CAMK1D: variants seen among roughly 807,000 people sequenced by gnomAD.
CAMK1D encodes calcium/calmodulin dependent protein kinase ID, also known as calcium/calmodulin-dependent protein kinase type 1D.
Under a neutral mutation model 47.7 loss-of-function variants are expected in CAMK1D, and 9 were observed. That is an observed-to-expected ratio of 0.19 (90% confidence interval 0.11 to 0.33). The LOEUF (loss-of-function observed/expected upper bound fraction) is 0.33, where lower values mean the gene tolerates loss of function less well. CAMK1D is among the 10% of genes least tolerant of loss of function. The pLI is 1.00. For synonymous variants in CAMK1D, 184 were observed against 184.9 expected, an observed-to-expected ratio of 0.99 and a Z score of 0.04; for missense variants, 291 against 488.7, an observed-to-expected ratio of 0.60 and a Z score of 3.81.
At chr10:12,534,343 G>T (rs376274485) in intron 1 of CAMK1D, among the ~76,000 whole-genome samples, 15 of 152,218 alleles carry the variant, frequency 9.9e-5, no homozygotes, top group African/African-American at 3.6e-4. Flanking sequence ...CCCAGTAGCT[G>T]GGATTATAGG....
chr10:12,657,622 T>C (rs80350146), intron 2 of CAMK1D, among the ~76,000 whole-genome samples: 154 of 152,246 alleles, frequency 1.0e-3, no homozygotes, highest in Non-Finnish European at 2.0e-3. Flanking sequence ...ACTGAGAAAG[T>C]AGTCACTTGA....
At chr10:12,700,879 C>T (rs951119242) in intron 3 of CAMK1D, among the ~76,000 whole-genome samples, 2 of 152,122 alleles carry the variant, frequency 1.3e-5, no homozygotes, top group African/African-American at 2.4e-5. Flanking sequence ...AAATACAGAT[C>T]GGTGAATAAT....
intron 2 of CAMK1D, among the ~76,000 whole-genome samples, chr10:12,595,484 T>A (rs1314772341): frequency 6.6e-6 from 1 of 151,954 alleles, no homozygotes; most frequent in Non-Finnish European, 1.5e-5. Flanking sequence ...GATTCTAGGC[T>A]CATGAACTTG....
intron 8 of CAMK1D, among the ~76,000 whole-genome samples, chr10:12,816,693 A>C (rs1255383335): frequency 6.6e-6 from 1 of 151,448 alleles, no homozygotes; most frequent in South Asian, 2.1e-4. Flanking sequence ...ACATGGTGAA[A>C]CCCCATTTCT....
chr10:12,778,356 G>C (rs922931304), intron 5 of CAMK1D, among the ~76,000 whole-genome samples: 1 of 152,218 alleles, frequency 6.6e-6, no homozygotes, highest in Non-Finnish European at 1.5e-5. Flanking sequence ...CCTTTTACAT[G>C]TGGCGGCTGC....
At chr10:12,666,628 C>G (rs1840439844) in intron 2 of CAMK1D, 108 bp from the exon 3 acceptor site, 1 of 834,042 alleles carries the variant, frequency 1.2e-6, no homozygotes, top group Non-Finnish European at 2.0e-6. Flanking sequence ...TCTTTTTGTT[C>G]AGGAGTTTGG....
intron 2 of CAMK1D, among the ~76,000 whole-genome samples, chr10:12,585,196 C>G (rs946489870): frequency 2.6e-5 from 4 of 152,144 alleles, no homozygotes; most frequent in African/African-American, 9.7e-5. Flanking sequence ...GCTGGTAGTT[C>G]CTGAAATTTA....
chr10:12,410,703 G>C (rs184547589), intron 1 of CAMK1D, among the ~76,000 whole-genome samples: 9 of 152,238 alleles, frequency 5.9e-5, no homozygotes, highest in African/African-American at 2.2e-4. Context: ...TTAGTTCTTT[G>C]TTAGCAGGAA....
intron 1 of CAMK1D, among the ~76,000 whole-genome samples, chr10:12,460,385 C>T (rs559943025): frequency 3.3e-5 from 5 of 151,964 alleles, no homozygotes; most frequent in East Asian, 1.9e-4. Flanking sequence ...CTCAGTCTCC[C>T]GAGTAGTTGG....
chr10:12,466,425 A>T (rs1833592336), intron 1 of CAMK1D, among the ~76,000 whole-genome samples: 1 of 151,766 alleles, frequency 6.6e-6, no homozygotes, highest in Admixed American at 6.6e-5. Context: ...ACAAACAAAA[A>T]TTTTTAAAAT....
At chr10:12,387,442 ATT>A (rs368868461) in intron 1 of CAMK1D, among the ~76,000 whole-genome samples, 17 of 49,808 alleles carry the variant, frequency 3.4e-4, no homozygotes, top group African/African-American at 1.2e-3. Flanking sequence ...TATTATATAT[ATT>A]TTATATATAT....
chr10:12,731,437 G>A (rs905809688), intron 3 of CAMK1D, among the ~76,000 whole-genome samples: 1 of 152,254 alleles, frequency 6.6e-6, no homozygotes, highest in Admixed American at 6.5e-5. Context: ...TTGGAGAAAA[G>A]TCATGAAAGT....
chr10:12,708,623 T>A (rs4237426), intron 3 of CAMK1D, among the ~76,000 whole-genome samples: 58,471 of 152,096 alleles, frequency 0.38, 12,503 homozygotes, highest in Middle Eastern at 0.49. Context: ...AATTTGCATG[T>A]CCCTATCCTC....
At chr10:12,489,225 A>C (rs1834306342) in intron 1 of CAMK1D, among the ~76,000 whole-genome samples, 2 of 152,148 alleles carry the variant, frequency 1.3e-5, no homozygotes. Flanking sequence ...GGCGTGAGCC[A>C]CTGTGCCTGG....
At chr10:12,723,711 T>C (rs376920932) in intron 3 of CAMK1D, among the ~76,000 whole-genome samples, 2 of 152,246 alleles carry the variant, frequency 1.3e-5, no homozygotes, top group East Asian at 3.8e-4. Context: ...TGCAGTAGTT[T>C]AAAACTCTAT....
At chr10:12,507,894 AC>A (rs1344828424) in intron 1 of CAMK1D, among the ~76,000 whole-genome samples, 1 of 151,378 alleles carries the variant, frequency 6.6e-6, no homozygotes, top group Non-Finnish European at 1.5e-5. Context: ...TCTAGAATTC[AC>A]CCCCTCTTCT....
intron 1 of CAMK1D, among the ~76,000 whole-genome samples, chr10:12,454,243 A>G (rs1433868414): frequency 1.3e-5 from 2 of 151,958 alleles, no homozygotes; most frequent in African/African-American, 4.8e-5. Context: ...GCTCACTGCA[A>G]CCTCCGCCTC....
At position 12,491,149 on chromosome 10, in the gene CAMK1D, A is replaced by ATGTGTG. The variant is rs3062692; in HGVS notation, c.93-62060_93-62055dup. 2.7e-3 allele frequency among the ~76,000 whole-genome samples: 412 copies of ATGTGTG among 150,584 alleles called. 1 individual carries two copies. The highest frequency in any genetic ancestry group is 0.014 in the Middle Eastern group (4 of 294). On this transcript the variant is annotated intron_variant, in intron 1 of 10. Coordinates refer to ENST00000619168, the MANE Select transcript of CAMK1D (RefSeq NM_153498.4). ...CTGCATCACTGGAGGGTATGAGAGTATGTGTGTGTGTGTGTGTGTGTCTGC... is the reference window on the plus strand; with the variant it reads ...CTGCATCACTGGAGGGTATGAGAGTATGTGTGTGTGTGTGTGTGTGTGTGTGTCTGC...
At chr10:12,354,054 G>A (rs941289195) in intron 1 of CAMK1D, among the ~76,000 whole-genome samples, 1 of 152,192 alleles carries the variant, frequency 6.6e-6, no homozygotes, top group Admixed American at 6.6e-5. Flanking sequence ...GCTGTGAAAT[G>A]TATGTGAATG....
Sources: allele counts gnomAD v4.1 joint callset (sites outside exome capture counted in the v4.1 genomes callset), GRCh38; gene constraint gnomAD v4.1.1; transcripts MANE v1.5; gene names NCBI Gene and HGNC (gene_info 2026-07-23, HGNC 2026-07-21).